Variants in FANK1 observed in about 807,000 individuals in gnomAD.
FANK1 encodes fibronectin type 3 and ankyrin repeat domains protein 1.
Under a neutral mutation model 45.3 loss-of-function variants are expected in FANK1, and 44 were observed. The observed-to-expected ratio is 0.97, with a 90% CI of 0.76 to 1.25. FANK1 has a LOEUF of 1.25. FANK1 is among the 50% of genes most tolerant of loss of function. The pLI is 0.00. For missense variants in FANK1, 391 were observed against 424.4 expected, an observed-to-expected ratio of 0.92 and a Z score of 0.69; for synonymous variants, 149 against 152.5, an observed-to-expected ratio of 0.98 and a Z score of 0.17.
At chr10:125,994,404 T>C (rs1240156314) in intron 3 of FANK1, 1 of 985,206 alleles carries the variant, frequency 1.0e-6, no homozygotes, top group East Asian at 1.1e-4. Flanking sequence ...AATGAGACCT[T>C]TGAGGTTTTT....
At chr10:125,940,033 C>G (rs538169678) in intron 1 of FANK1, among the ~76,000 whole-genome samples, 2 of 151,538 alleles carry the variant, frequency 1.3e-5, no homozygotes, top group African/African-American at 2.4e-5. Flanking sequence ...TAATCTTAAT[C>G]CATTTAAATG....
At chr10:125,945,375 C>T (rs1003053683) in intron 1 of FANK1, among the ~76,000 whole-genome samples, 14 of 152,240 alleles carry the variant, frequency 9.2e-5, no homozygotes, top group Non-Finnish European at 1.8e-4. Context: ...AGACAGTGGG[C>T]GCAGGCCAGT....
chr10:125,990,524 C>T (rs973541134), intron 3 of FANK1, among the ~76,000 whole-genome samples: 2 of 152,202 alleles, frequency 1.3e-5, no homozygotes, highest in Non-Finnish European at 2.9e-5. Flanking sequence ...TATTAGTTTT[C>T]CACTGGCCAG....
chr10:125,994,769 G>C, intron 3 of FANK1: 1 of 985,376 alleles, frequency 1.0e-6, no homozygotes, highest in African/African-American at 1.7e-5. Flanking sequence ...CTGTGGAGCT[G>C]ATGTCCCCTG....
At chr10:125,900,259 TTCTTG>T (rs1564846288) in intron 1 of FANK1, among the ~76,000 whole-genome samples, 1 of 152,296 alleles carries the variant, frequency 6.6e-6, no homozygotes, top group Non-Finnish European at 1.5e-5. Flanking sequence ...TTTAATTATT[TTCTTG>T]CTAAACCAAC....
intron 1 of FANK1, among the ~76,000 whole-genome samples, chr10:125,978,815 G>T (rs1266329920): frequency 6.6e-6 from 1 of 152,196 alleles, no homozygotes; most frequent in East Asian, 1.9e-4. Context: ...CTCGTGAGGT[G>T]CAGTGGAAGT....
At chr10:125,955,116 C>T (rs541422528) in intron 1 of FANK1, among the ~76,000 whole-genome samples, 264 of 144,952 alleles carry the variant, frequency 1.8e-3, no homozygotes, top group Non-Finnish European at 2.7e-3. Flanking sequence ...TTTTTTTAAT[C>T]TTCAACTTTT....
intron 1 of FANK1, among the ~76,000 whole-genome samples, chr10:125,951,856 T>A (rs1216022773): frequency 6.6e-6 from 1 of 152,192 alleles, no homozygotes; most frequent in Non-Finnish European, 1.5e-5. Context: ...CAAAAGCAAT[T>A]CAAATGCATT....
intron 1 of FANK1, among the ~76,000 whole-genome samples, chr10:125,928,261 C>CTT (rs34889746): frequency 0.43 from 59,598 of 137,478 alleles, 14,381 homozygotes; most frequent in Non-Finnish European, 0.55. Flanking sequence ...TTATTCGTGC[C>CTT]TTTTTTTTTT....
intron 7 of FANK1, among the ~76,000 whole-genome samples, chr10:126,006,730 G>T (rs747961440): frequency 1.3e-5 from 2 of 152,144 alleles, no homozygotes; most frequent in African/African-American, 2.4e-5. Context: ...CGTGGTGGTG[G>T]GCACCTGTAA....
chr10:125,989,392 C>T, intron 3 of FANK1: 2 of 1,540,588 alleles, frequency 1.3e-6, no homozygotes, highest in Non-Finnish European at 1.8e-6. Context: ...AGGAAACCTT[C>T]CTTTTGTGAG....
At chr10:125,985,591 C>T (rs1951503600) in intron 2 of FANK1, among the ~76,000 whole-genome samples, 1 of 152,104 alleles carries the variant, frequency 6.6e-6, no homozygotes, top group African/African-American at 2.4e-5. Flanking sequence ...GGCGTTATTT[C>T]TTCATTGTCT....
intron 6 of FANK1, among the ~76,000 whole-genome samples, chr10:126,001,769 C>T (rs1439598112): frequency 6.6e-6 from 1 of 152,162 alleles, no homozygotes; most frequent in African/African-American, 2.4e-5. Context: ...TGTGCCTATC[C>T]CTGGGAAGGA....
At chr10:125,972,622 C>T (rs1950587850) in intron 1 of FANK1, 1 of 152,056 alleles carries the variant, frequency 6.6e-6, no homozygotes, top group East Asian at 1.9e-4. Flanking sequence ...TCCTATCTGG[C>T]AATAATAGCT....
intron 2 of FANK1, among the ~76,000 whole-genome samples, chr10:125,981,584 T>C (rs746555995): frequency 2.0e-4 from 30 of 152,144 alleles, no homozygotes; most frequent in Non-Finnish European, 4.1e-4. Context: ...ATTTACCACT[T>C]GAAAAATGCA....
chr10:125,935,646 A>G (rs1948046585), intron 1 of FANK1, among the ~76,000 whole-genome samples: 2 of 152,234 alleles, frequency 1.3e-5, no homozygotes, highest in Admixed American at 1.3e-4. Flanking sequence ...ATAATTAAAA[A>G]TATAAAAAGC....
At chr10:125,946,261 T>A (rs1255969401) in intron 1 of FANK1, among the ~76,000 whole-genome samples, 1 of 151,800 alleles carries the variant, frequency 6.6e-6, no homozygotes, top group Non-Finnish European at 1.5e-5. Context: ...GGATGGAGAA[T>A]GACTTTGACG....
chr10:125,913,442 C>T (rs80123317), intron 1 of FANK1, among the ~76,000 whole-genome samples: 1 of 152,124 alleles, frequency 6.6e-6, no homozygotes, highest in African/African-American at 2.4e-5. Context: ...TGAGTCCTGG[C>T]GCTCAGCTTC....
chr10:125,995,594 A>G (rs765804073), intron 4 of FANK1, 96 bp downstream of exon 4: 17 of 1,204,960 alleles, frequency 1.4e-5, no homozygotes, highest in Admixed American at 3.7e-5. Flanking sequence ...AAAAATTCCC[A>G]TGGCTTTGAA....
Sources: allele counts gnomAD v4.1 joint callset (sites outside exome capture counted in the v4.1 genomes callset), GRCh38; gene constraint gnomAD v4.1.1; transcripts MANE v1.5; gene names NCBI Gene and HGNC (gene_info 2026-07-23, HGNC 2026-07-21).